Variants in GNAI2 observed in about 807,000 individuals in gnomAD.
GNAI2 encodes G protein subunit alpha i2, also known as guanine nucleotide-binding protein G(i) subunit alpha-2.
In GNAI2, 4 loss-of-function variants were observed where a neutral mutation model predicts 36.8. The ratio of observed to expected loss-of-function variants is 0.11; its 90% CI spans 0.05 to 0.25. The LOEUF is 0.25. Ranked by LOEUF, GNAI2 falls within the 10% of genes least tolerant of loss-of-function variation. The pLI is 1.00. For missense variants in GNAI2, 230 were observed against 481.3 expected, an observed-to-expected ratio of 0.48 and a Z score of 4.89; for synonymous variants, 194 against 194.1, an observed-to-expected ratio of 1.00 and a Z score of 0.01.
chr3:50,227,266 T>G, upstream of GNAI2: 1 of 813,202 alleles, frequency 1.2e-6, no homozygotes, highest in Non-Finnish European at 1.8e-6. This position sits in a 1 kb window ranked among gnomAD's most constrained non-coding sequence, Gnocchi z 5.9. Context: ...GGGGATGGGG[T>G]GCCACAGAGG....
chr3:50,245,756 C>T (rs1468800676), intron 1 of GNAI2, among the ~76,000 whole-genome samples: 1 of 152,266 alleles, frequency 6.6e-6, no homozygotes, highest in Non-Finnish European at 1.5e-5. Flanking sequence ...AAGGGCCCCA[C>T]TGAGGGAGAC....
chr3:50,233,067 C>T (rs1336466664), upstream of GNAI2, among the ~76,000 whole-genome samples: 1 of 151,424 alleles, frequency 6.6e-6, no homozygotes, highest in African/African-American at 2.4e-5. Context: ...GGGTTCTGAG[C>T]CCCCAGAGTG....
chr3:50,230,873 C>G, exon 1 of GNAI2: 1 of 985,346 alleles, frequency 1.0e-6, no homozygotes, highest in African/African-American at 1.7e-5. Flanking sequence ...AAAATGAACT[C>G]TCCTGAAAGG....
chr3:50,257,447 A>T (rs1348832507), intron 7 of GNAI2, 53 bp from the exon 8 acceptor site: 4 of 1,269,370 alleles, frequency 3.2e-6, no homozygotes, highest in African/African-American at 1.5e-5. Flanking sequence ...CACACGTAGG[A>T]TGCGGCCTGC....
chr3:50,251,989 C>T, intron 1 of GNAI2, 111 bp from the exon 2 acceptor site: 1 of 1,089,658 alleles, frequency 9.2e-7, no homozygotes, highest in Non-Finnish European at 1.4e-6. Context: ...CACGGTGCAG[C>T]TGGTGGGAAG....
chr3:50,244,607 CGTACG>C (rs782594275), intron 1 of GNAI2, among the ~76,000 whole-genome samples: 13 of 152,192 alleles, frequency 8.5e-5, no homozygotes, highest in Non-Finnish European at 1.3e-4. Flanking sequence ...GCTGGGTGCA[CGTACG>C]GTACTGTGTG....
rs587762161 is a variant in GNAI2, at chr3:50,243,420, T to C, written c.118+6967T>C. Among the ~76,000 whole-genome samples the C allele has an allele frequency of 2.0e-3, 304 of 152,338 alleles. 3 individuals carry two copies. Among genetic ancestry groups the C allele is most frequent in the Middle Eastern group, 6.8e-3 (2 of 294 alleles). On this transcript the variant is annotated intron_variant, in intron 1 of 8. Coordinates refer to ENST00000313601, the MANE Select transcript of GNAI2 (RefSeq NM_002070.4). ...CCGGAAGGCCAGCCACAGGCTGAGA[T>C]GAATGCCTGGAAATGCAGCAACAGC...
chr3:50,236,187 G>C, upstream of GNAI2: 1 of 1,174,214 alleles, frequency 8.5e-7, no homozygotes, highest in Non-Finnish European at 1.1e-6. This position sits in a 1 kb window ranked among gnomAD's most constrained non-coding sequence, Gnocchi z 4.0. Context: ...CGCGGCGGTA[G>C]GGAAGGCGCC....
At position 50,253,630 on chromosome 3, in the gene GNAI2, G is replaced by A. The variant is rs2109213427; in HGVS notation, c.464+446G>A. On this transcript the variant is annotated intron_variant, in intron 4 of 8. Coordinates refer to ENST00000313601, the MANE Select transcript of GNAI2 (RefSeq NM_002070.4). This position sits in a 1 kb window ranked among gnomAD's most constrained non-coding sequence, Gnocchi z 4.2. ...GTGGTGGAGGGCGCCTGTAGTCCCA[G>A]CTACTCAGGAGGCTGAGGCAGGAGA... Among the ~76,000 whole-genome samples, 1 of 152,336 alleles carries A rather than the reference G, an allele frequency of 6.6e-6. No homozygotes were observed. The highest frequency in any genetic ancestry group is 1.9e-4 in the East Asian group (1 of 5,182).
chr3:50,248,543 C>G (rs1445674095), intron 1 of GNAI2, among the ~76,000 whole-genome samples: 6 of 152,160 alleles, frequency 3.9e-5, no homozygotes, highest in Non-Finnish European at 8.8e-5. Flanking sequence ...TCTGCTGGAG[C>G]TGCTCCTGGG....
intron 1 of GNAI2, among the ~76,000 whole-genome samples, chr3:50,237,381 C>T (rs1700199436): frequency 6.6e-6 from 1 of 152,150 alleles, no homozygotes; most frequent in Admixed American, 6.5e-5. Context: ...GGGTTGTGGC[C>T]GCCTCCAAGG....
upstream of GNAI2, among the ~76,000 whole-genome samples, chr3:50,228,896 G>A (rs185652871): frequency 4.6e-5 from 7 of 152,266 alleles, no homozygotes; most frequent in Non-Finnish European, 8.8e-5. Flanking sequence ...ATGCTTGTGC[G>A]TCCAGAACTC....
upstream of GNAI2, among the ~76,000 whole-genome samples, chr3:50,231,731 A>G (rs1248026251): frequency 1.3e-5 from 2 of 152,204 alleles, no homozygotes; most frequent in African/African-American, 4.8e-5. Flanking sequence ...GCTCACAGCC[A>G]GGGAATGAAA....
chr3:50,256,383 A>G (rs1250389359), intron 5 of GNAI2, 63 bp downstream of exon 5: 1 of 1,502,666 alleles, frequency 6.7e-7, no homozygotes, highest in Non-Finnish European at 9.3e-7. Context: ...TAGCAGAGGC[A>G]GGGGCTGGTC....
chr3:50,247,857 C>G (rs1409974255), intron 1 of GNAI2, among the ~76,000 whole-genome samples: 3 of 152,270 alleles, frequency 2.0e-5, no homozygotes, highest in Non-Finnish European at 4.4e-5. Flanking sequence ...GGACAGAGCA[C>G]TTGGTGGGGC....
intron 4 of GNAI2, among the ~76,000 whole-genome samples, chr3:50,254,638 C>A (rs587712163): frequency 9.2e-5 from 14 of 152,352 alleles, no homozygotes; most frequent in African/African-American, 3.4e-4. Context: ...CTGGCCCAGC[C>A]ACCAGCGAGC....
chr3:50,234,282 C>G (rs144864307), upstream of GNAI2, among the ~76,000 whole-genome samples: 1,499 of 151,854 alleles, frequency 9.9e-3, 21 homozygotes, highest in African/African-American at 0.035. Flanking sequence ...GGATGGTCTC[C>G]ATCTCCTGAC....
chr3:50,241,994 G>A lies in GNAI2; in HGVS notation c.118+5541G>A, dbSNP rs1447661130. On this transcript the variant is annotated intron_variant, in intron 1 of 8. Transcript: ENST00000313601. The surrounding 1 kb of genome is among the most constrained non-coding windows in gnomAD (Gnocchi z 5.0). ...TCCCTAGGCCTCCAGCACTGCAGGG[G>A]GTGGGGCAGTAGGTGCACTTGGGGC... is the stretch of plus-strand genomic sequence containing the variant. Among the ~76,000 whole-genome samples, 1 of 152,124 alleles carries A rather than the reference G, an allele frequency of 6.6e-6. No individual in the cohort carries two copies. The highest frequency in any genetic ancestry group is 6.5e-5 in the Admixed American group (1 of 15,274).
Position 50,252,969 on chromosome 3 carries a change from T to C in GNAI2, c.304-55T>C. On this transcript the variant is annotated intron_variant, in intron 3 of 8. Coordinates refer to ENST00000313601, the MANE Select transcript of GNAI2 (RefSeq NM_002070.4). The surrounding 1 kb of genome is among the most constrained non-coding windows in gnomAD (Gnocchi z 4.1). ...CCCATTCCAGAGGTCTCCCTGCCTC[T>C]GGCAGAGTGGGGGTACATTCCTTCA... 1.4e-6 allele frequency: 2 copies of C among 1,473,496 alleles called. No individual in the cohort carries two copies. The highest frequency in any genetic ancestry group is 1.9e-6 in the Non-Finnish European group (2 of 1,080,684). 91.3% of individuals were successfully genotyped at this position (1,473,496 alleles called of 1,614,324 possible).
Sources: allele counts gnomAD v4.1 joint callset (sites outside exome capture counted in the v4.1 genomes callset), GRCh38; gene constraint gnomAD v4.1.1; non-coding constraint Gnocchi (gnomAD v3.1); transcripts MANE v1.5; gene names NCBI Gene and HGNC (gene_info 2026-07-23, HGNC 2026-07-21).